TDRD12: variants seen among roughly 807,000 people sequenced by gnomAD.
TDRD12 encodes the protein putative ATP-dependent RNA helicase TDRD12.
A neutral mutation model predicts 133.5 loss-of-function variants in TDRD12; 158 were observed. That is an observed-to-expected ratio of 1.18 (90% CI 1.04 to 1.35). TDRD12 has a LOEUF of 1.35. Ranked by LOEUF, TDRD12 falls within the 40% of genes most tolerant of loss-of-function variation. The probability of loss-of-function intolerance (pLI) is 0.00; values close to 1 mark genes in which losing one functional copy is unlikely to be tolerated. For synonymous variants in TDRD12, 460 were observed against 477.9 expected (o/e 0.96, Z 0.49); for missense variants, 1,443 against 1,321.3 (o/e 1.09, Z -1.43).
chr19:32,802,208 C>CATAT (rs200419186), intron 19 of TDRD12, among the ~76,000 whole-genome samples: 1 of 128,896 alleles, frequency 7.8e-6, no homozygotes, highest in Non-Finnish European at 1.6e-5. Context: ...TGATAGTGAT[C>CATAT]ATATATATGA....
At chr19:32,757,647 G>C (rs1970035038) in intron 8 of TDRD12, among the ~76,000 whole-genome samples, 1 of 152,270 alleles carries the variant, frequency 6.6e-6, no homozygotes, top group Non-Finnish European at 1.5e-5. Flanking sequence ...GTCCAGGAAG[G>C]CCTCACTTCA....
chr19:32,744,123 C>T (rs1969518375), intron 4 of TDRD12, among the ~76,000 whole-genome samples: 1 of 151,810 alleles, frequency 6.6e-6, no homozygotes, highest in Non-Finnish European at 1.5e-5. Context: ...ATGTGATTGA[C>T]ATACTTGCTG....
chr19:32,798,514 GTGTC>G, intron 16 of TDRD12, 79 bp downstream of exon 16: 3 of 1,260,276 alleles, frequency 2.4e-6, no homozygotes, highest in Non-Finnish European at 3.2e-6. Flanking sequence ...AGGAGGAAAA[GTGTC>G]TGGTTGGGGA....
intron 18 of TDRD12, among the ~76,000 whole-genome samples, chr19:32,801,214 A>T (rs1439233255): frequency 2.6e-5 from 4 of 152,090 alleles, no homozygotes; most frequent in Non-Finnish European, 5.9e-5. Flanking sequence ...AAAAAAAAAA[A>T]AAAGAAGAAG....
exon 10 of TDRD12, chr19:32,828,330 C>T (rs1967654343): frequency 6.6e-6 from 1 of 152,178 alleles, no homozygotes; most frequent in South Asian, 2.1e-4. Flanking sequence ...CTTTGAATGC[C>T]TACATGTCGT....
intron 4 of TDRD12, among the ~76,000 whole-genome samples, chr19:32,743,760 G>A (rs1969506579): frequency 6.6e-6 from 1 of 152,072 alleles, no homozygotes; most frequent in Admixed American, 6.5e-5. Context: ...CAGGCGCGGT[G>A]GCTTACACCT....
chr19:32,781,784 A>G (rs1970774370), intron 11 of TDRD12, among the ~76,000 whole-genome samples: 1 of 148,950 alleles, frequency 6.7e-6, no homozygotes, highest in Non-Finnish European at 1.5e-5. Context: ...GTGTGGTTCT[A>G]TTATTATGCT....
chr19:32,808,006 T>C (rs1219495451), intron 22 of TDRD12, among the ~76,000 whole-genome samples: 1 of 152,158 alleles, frequency 6.6e-6, no homozygotes, highest in East Asian at 1.9e-4. Context: ...AGCAGATCAC[T>C]TGAGGCCAGG....
At chr19:32,755,867 T>G (rs1969977037) in intron 6 of TDRD12, 125 bp from the exon 7 acceptor site, 11 of 698,676 alleles carry the variant, frequency 1.6e-5, no homozygotes, top group Non-Finnish European at 2.4e-5. Context: ...TCTGTTTCTC[T>G]CAGATTATGT....
intron 8 of TDRD12, among the ~76,000 whole-genome samples, chr19:32,766,117 G>A (rs987362144): frequency 1.3e-5 from 2 of 152,038 alleles, no homozygotes; most frequent in Admixed American, 1.3e-4. Context: ...CTTTATATTT[G>A]AAGGGGAGTT....
intron 3 of TDRD12, among the ~76,000 whole-genome samples, chr19:32,740,213 C>T (rs1599842469): frequency 8.5e-6 from 1 of 117,712 alleles, no homozygotes; most frequent in Non-Finnish European, 1.7e-5. Flanking sequence ...TCTGCATCTC[C>T]TGGGTACTCT....
chr19:32,771,909 A>G (rs1433607293), intron 8 of TDRD12, among the ~76,000 whole-genome samples: 1 of 152,178 alleles, frequency 6.6e-6, no homozygotes, highest in Non-Finnish European at 1.5e-5. Flanking sequence ...GTATCTTGTC[A>G]TTTCAATTTG....
At chr19:32,802,676 C>G in exon 20 of TDRD12, 1 of 1,536,212 alleles carries the variant, frequency 6.5e-7, no homozygotes, top group Non-Finnish European at 8.7e-7. Context: ...CGACTGCGTC[C>G]CACTCTTGGC....
intron 11 of TDRD12, among the ~76,000 whole-genome samples, chr19:32,780,941 T>A (rs977079466): frequency 3.9e-5 from 5 of 129,028 alleles, no homozygotes; most frequent in Non-Finnish European, 7.9e-5. Flanking sequence ...GTTTTTAATC[T>A]ATCTTTTTTT....
chr19:32,734,190 T>C (rs1160859988), intron 2 of TDRD12, among the ~76,000 whole-genome samples: 1 of 152,056 alleles, frequency 6.6e-6, no homozygotes, highest in Non-Finnish European at 1.5e-5. Context: ...CCACCGCGCC[T>C]GGCCTTTTTA....
At chr19:32,739,504 C>T (rs752085313) in intron 3 of TDRD12, among the ~76,000 whole-genome samples, 126 of 150,032 alleles carry the variant, frequency 8.4e-4, no homozygotes, top group Non-Finnish European at 1.5e-3. Context: ...CTTTCTGCAT[C>T]TCCTGGCTGC....
intron 16 of TDRD12, among the ~76,000 whole-genome samples, chr19:32,799,431 G>A (rs1971322375): frequency 6.6e-6 from 1 of 152,134 alleles, no homozygotes. Flanking sequence ...GGCCAACAGT[G>A]GGATCTTGTC....
downstream of TDRD12, chr19:32,821,369 AGTGTGTGTGTGT>A (rs59054756): frequency 0.017 from 5,817 of 350,942 alleles, 42 homozygotes; most frequent in African/African-American, 0.042. Flanking sequence ...AGCTCAGCAG[AGTGTGTGTGTGT>A]GTGTGTGTGT....
Position 32,799,728 on chromosome 19 carries a change from C to T in TDRD12, c.1759-439C>T, listed in dbSNP as rs1369939824. Reference sequence around the variant, plus strand: ...ACATTTTCTCCTATTTAGTTTTTGCCTTTTTTTTTTTTTTTTTTTTTTTGA... The same window carrying T: ...ACATTTTCTCCTATTTAGTTTTTGCTTTTTTTTTTTTTTTTTTTTTTTTGA... On this transcript the variant is annotated intron_variant, in intron 16 of 27. Transcript: ENST00000444215. Among the ~76,000 whole-genome samples, 7 of 78,436 alleles carry T rather than the reference C, an allele frequency of 8.9e-5. No homozygotes were observed. The East Asian group carries it at 1.4e-3, about 16-fold the overall frequency. 51.5% of individuals were successfully genotyped at this position (78,436 alleles called of 152,430 possible). A position where few individuals can be genotyped will look rare whatever the true frequency, so the allele number is the denominator to read the frequency against.
Sources: gnomAD v4.1 joint callset for allele counts (sites outside exome capture counted in the v4.1 genomes callset) on GRCh38, gnomAD v4.1.1 for gene constraint, MANE v1.5 for transcripts, NCBI Gene and HGNC (gene_info 2026-07-23, HGNC 2026-07-21) for gene names.